OPCML: variants seen among roughly 807,000 people sequenced by gnomAD.
OPCML encodes the protein opioid-binding protein/cell adhesion molecule.
In OPCML, 13 loss-of-function variants were observed where a neutral mutation model predicts 37.8. The ratio of observed to expected loss-of-function variants is 0.34; its 90% CI spans 0.22 to 0.55. The LOEUF (loss-of-function observed/expected upper bound fraction) is 0.55, where lower values mean the gene tolerates loss of function less well. Ranked by LOEUF, OPCML falls within the 20% of genes least tolerant of loss-of-function variation. The probability of loss-of-function intolerance (pLI) is 0.91; values close to 1 mark genes in which losing one functional copy is unlikely to be tolerated. For synonymous variants in OPCML, 176 were observed against 168.8 expected (o/e 1.04, Z -0.33); for missense variants, 341 against 435.6 (o/e 0.78, Z 1.93).
intron 1 of OPCML, among the ~76,000 whole-genome samples, chr11:133,399,608 A>G (rs1592265593): frequency 6.6e-6 from 1 of 151,578 alleles, no homozygotes; most frequent in Non-Finnish European, 1.5e-5. Flanking sequence ...AAACACACAT[A>G]CCCCCTCTAT....
At chr11:133,026,798 T>C (rs188550254) in intron 1 of OPCML, among the ~76,000 whole-genome samples, 50 of 152,350 alleles carry the variant, frequency 3.3e-4, no homozygotes, top group African/African-American at 1.0e-3. Context: ...GTTGGATTTG[T>C]GCTTCATATT....
intron 2 of OPCML, among the ~76,000 whole-genome samples, chr11:132,747,184 C>A (rs535369080): frequency 6.6e-6 from 1 of 152,198 alleles, no homozygotes; most frequent in Non-Finnish European, 1.5e-5. Context: ...GGACTATTAG[C>A]AACCAAAGAG....
chr11:132,663,661 A>G (rs917229881), intron 2 of OPCML, among the ~76,000 whole-genome samples: 2 of 152,198 alleles, frequency 1.3e-5, no homozygotes, highest in South Asian at 2.1e-4. Context: ...GCTGAATGAT[A>G]TGGGCTCCAC....
intron 2 of OPCML, among the ~76,000 whole-genome samples, chr11:132,902,483 A>G (rs189371394): frequency 6.6e-6 from 1 of 152,306 alleles, no homozygotes; most frequent in East Asian, 1.9e-4. Flanking sequence ...CATTGCCCCA[A>G]CCAAAGGACT....
intron 3 of OPCML, among the ~76,000 whole-genome samples, chr11:132,581,543 T>C (rs1658098598): frequency 6.6e-6 from 1 of 152,146 alleles, no homozygotes. Flanking sequence ...AGTAAATTAT[T>C]TTGCTGGCCT....
At chr11:132,926,507 C>T (rs1189530390) in intron 2 of OPCML, among the ~76,000 whole-genome samples, 2 of 152,142 alleles carry the variant, frequency 1.3e-5, no homozygotes, top group Non-Finnish European at 2.9e-5. Flanking sequence ...AAAGGATGCA[C>T]ACAAGACCAG....
chr11:133,238,768 G>GA (rs1940618298), intron 1 of OPCML, among the ~76,000 whole-genome samples: 1 of 148,494 alleles, frequency 6.7e-6, no homozygotes, highest in South Asian at 2.4e-4. Context: ...GTCCTTCGGG[G>GA]AAAAAAACGA....
chr11:133,500,548 G>A (rs907596925), intron 1 of OPCML, among the ~76,000 whole-genome samples: 2 of 152,228 alleles, frequency 1.3e-5, no homozygotes, highest in African/African-American at 4.8e-5. Context: ...AAGGCCAAGA[G>A]GGAAGCCTCG....
intron 1 of OPCML, among the ~76,000 whole-genome samples, chr11:133,489,380 C>T (rs976963662): frequency 1.1e-4 from 16 of 150,504 alleles, no homozygotes; most frequent in Admixed American, 6.0e-4. Flanking sequence ...AACAACTCAA[C>T]AAATAAAAAA....
intron 1 of OPCML, among the ~76,000 whole-genome samples, chr11:133,380,638 C>T (rs1352462654): frequency 6.6e-6 from 1 of 152,094 alleles, no homozygotes; most frequent in Non-Finnish European, 1.5e-5. Context: ...TCTTCTATCC[C>T]ATATCTCTTT....
rs886423269 is a variant in OPCML, at chr11:133,511,219, T to C, written c.61+21045A>G. Among the ~76,000 whole-genome samples, 5 of 152,238 alleles carry C rather than the reference T, an allele frequency of 3.3e-5. No individual in the cohort carries two copies. The East Asian group carries it at 9.6e-4, about 29-fold the overall frequency. On this transcript the variant is annotated intron_variant, in intron 1 of 7. Transcript: ENST00000524381. ...CTCCCTGTTCCAAGCTACCTTCATC[T>C]GCTTGGACTGGGGCAGTATCTTCCT...
At chr11:133,164,828 A>G (rs1950188165) in intron 1 of OPCML, among the ~76,000 whole-genome samples, 1 of 152,226 alleles carries the variant, frequency 6.6e-6, no homozygotes, top group South Asian at 2.1e-4. Flanking sequence ...CCCTTGCCTT[A>G]CATAAAACAT....
intron 7 of OPCML, among the ~76,000 whole-genome samples, chr11:132,424,795 T>C (rs1383997316): frequency 6.6e-6 from 1 of 152,232 alleles, no homozygotes; most frequent in Non-Finnish European, 1.5e-5. Context: ...CATGTGATCA[T>C]GGCAACTGCT....
chr11:132,804,476 T>C (rs555730727), intron 2 of OPCML, among the ~76,000 whole-genome samples: 1 of 152,236 alleles, frequency 6.6e-6, no homozygotes, highest in East Asian at 1.9e-4. Context: ...GTTTACCAGG[T>C]GGCAGCTGCT....
chr11:133,015,391 G>T (rs866327560), intron 1 of OPCML, among the ~76,000 whole-genome samples: 20 of 64,870 alleles, frequency 3.1e-4, no homozygotes, highest in East Asian at 1.0e-3. Flanking sequence ...AAGGAAGGAA[G>T]GAATGAAGGA....
chr11:133,008,943 C>G (rs1357882425), intron 1 of OPCML: 2 of 985,298 alleles, frequency 2.0e-6, no homozygotes, highest in African/African-American at 3.5e-5. Context: ...AGCAAGAAGA[C>G]TGAGCAATTT....
At chr11:133,239,419 A>C (rs532246158) in intron 1 of OPCML, among the ~76,000 whole-genome samples, 21 of 152,188 alleles carry the variant, frequency 1.4e-4, no homozygotes, top group Non-Finnish European at 2.5e-4. Context: ...CAGGGGAGTG[A>C]CATTTGATGC....
At chr11:133,522,257 T>C (rs1225511060) in intron 1 of OPCML, among the ~76,000 whole-genome samples, 1 of 151,880 alleles carries the variant, frequency 6.6e-6, no homozygotes, top group Admixed American at 6.5e-5. Context: ...CCCAAACAGA[T>C]ATTTAAAAAT....
chr11:133,102,558 C>A (rs935878394), intron 1 of OPCML, among the ~76,000 whole-genome samples: 2 of 152,100 alleles, frequency 1.3e-5, no homozygotes, highest in African/African-American at 2.4e-5. Context: ...ACCATCCTAG[C>A]TAACATGGTG....
Sources: gnomAD v4.1 joint callset for allele counts (sites outside exome capture counted in the v4.1 genomes callset) on GRCh38, gnomAD v4.1.1 for gene constraint, MANE v1.5 for transcripts, NCBI Gene and HGNC (gene_info 2026-07-23, HGNC 2026-07-21) for gene names.